Variants in MBD5 observed in about 807,000 individuals in gnomAD.
MBD5 encodes the protein methyl-CpG binding domain protein 5.
In MBD5, 13 loss-of-function variants were observed where a neutral mutation model predicts 117.3. The observed-to-expected ratio is 0.11, with a 90% CI of 0.07 to 0.18. MBD5 has a LOEUF of 0.18. MBD5 is among the 10% of genes least tolerant of loss of function. MBD5 has a pLI of 1.00. For missense variants in MBD5, 1,879 were observed against 2,093.8 expected, an observed-to-expected ratio of 0.90 and a Z score of 2.00; for synonymous variants, 727 against 766.4, an observed-to-expected ratio of 0.95 and a Z score of 0.85.
At chr2:148,071,799 C>T (rs1209787521) in intron 1 of MBD5, 2 of 152,164 alleles carry the variant, frequency 1.3e-5, no homozygotes, top group Admixed American at 6.5e-5. Flanking sequence ...GAGGATGCTA[C>T]GTTGGCTATC....
intron 4 of MBD5, among the ~76,000 whole-genome samples, chr2:148,418,145 T>A (rs912783755): frequency 6.6e-6 from 1 of 152,150 alleles, no homozygotes; most frequent in African/African-American, 2.4e-5. Flanking sequence ...CAGCCTTATT[T>A]ATTATTTTTC....
intron 4 of MBD5, among the ~76,000 whole-genome samples, chr2:148,387,158 A>C (rs1704398191): frequency 6.6e-6 from 1 of 152,206 alleles, no homozygotes; most frequent in African/African-American, 2.4e-5. Flanking sequence ...CAAAATCCTA[A>C]ACATAACATT....
chr2:148,410,683 C>T (rs532108800), intron 4 of MBD5, among the ~76,000 whole-genome samples: 181 of 152,276 alleles, frequency 1.2e-3, no homozygotes, highest in Non-Finnish European at 2.2e-3. Context: ...TCACCTGCCT[C>T]GTCCTCCGAC....
At chr2:148,275,772 T>C (rs1701092735) in intron 3 of MBD5, among the ~76,000 whole-genome samples, 2 of 151,984 alleles carry the variant, frequency 1.3e-5, no homozygotes, top group South Asian at 4.2e-4. Flanking sequence ...GAAATCACTT[T>C]TTTTTTTTGG....
At chr2:148,423,810 C>G (rs771087218) in intron 4 of MBD5, among the ~76,000 whole-genome samples, 18 of 152,072 alleles carry the variant, frequency 1.2e-4, no homozygotes, top group Non-Finnish European at 1.9e-4. Context: ...AGGCCCAGCT[C>G]ATGTTCAAGG....
At chr2:148,257,264 G>A (rs2106276354) in intron 3 of MBD5, among the ~76,000 whole-genome samples, 1 of 152,332 alleles carries the variant, frequency 6.6e-6, no homozygotes, top group African/African-American at 2.4e-5. Context: ...TATGCCTGCT[G>A]AATAGCCCGC....
At chr2:148,326,804 T>G (rs1233740253) in intron 3 of MBD5, among the ~76,000 whole-genome samples, 10 of 151,364 alleles carry the variant, frequency 6.6e-5, no homozygotes, top group East Asian at 3.9e-4. Context: ...TGCCAGTCTG[T>G]GTCTTTTAAT....
chr2:148,204,745 A>G (rs1699233981), intron 2 of MBD5, among the ~76,000 whole-genome samples: 2 of 152,188 alleles, frequency 1.3e-5, no homozygotes, highest in South Asian at 4.1e-4. Flanking sequence ...TACTAAAGAC[A>G]GTTTTGAACT....
At position 148,401,407 on chromosome 2, in the gene MBD5, A is replaced by G. The variant is rs114806741; in HGVS notation, c.-556-56796A>G. Among the ~76,000 whole-genome samples the G allele has an allele frequency of 8.6e-3, 1,305 of 152,080 alleles. 22 individuals are homozygous for G. The highest frequency in any genetic ancestry group is 0.027 in the African/African-American group (1,106 of 41,538). On this transcript the variant is annotated intron_variant, in intron 4 of 13. Transcript: ENST00000642680. ...TCTCTAGTCTTCCAGCATGACTTCT[A>G]TCTTTATAGTTCTTCAAAGATTACC...
chr2:148,144,874 G>A (rs1697411574), intron 1 of MBD5, among the ~76,000 whole-genome samples: 1 of 152,158 alleles, frequency 6.6e-6, no homozygotes, highest in South Asian at 2.1e-4. Context: ...TTTGAAGCCA[G>A]GTAGCATGAT....
At chr2:148,326,220 T>C (rs145339326) in intron 3 of MBD5, among the ~76,000 whole-genome samples, 18,234 of 152,282 alleles carry the variant, frequency 0.12, 1,441 homozygotes, top group Non-Finnish European at 0.18. Flanking sequence ...ATAATTTCTG[T>C]TCTTTTACAT....
Position 148,092,606 on chromosome 2 carries a change from G to A in MBD5, c.-925+70922G>A, listed in dbSNP as rs539932738. ...TGTGTGTTCTCACTTACAAGTGGGA[G>A]CTAAGCTATTAGAATGCAAATGCAT... On this transcript the variant is annotated intron_variant, in intron 1 of 13. Transcript: ENST00000642680. 9.8e-4 allele frequency among the ~76,000 whole-genome samples: 149 copies of A among 152,254 alleles called. 1 individual carries two copies. The highest frequency in any genetic ancestry group is 2.1e-3 in the South Asian group (10 of 4,816).
At chr2:148,177,581 T>C (rs1698421385) in intron 1 of MBD5, among the ~76,000 whole-genome samples, 2 of 152,214 alleles carry the variant, frequency 1.3e-5, no homozygotes, top group Admixed American at 6.5e-5. Context: ...CATCTGTAAA[T>C]AGTATTTTTG....
chr2:148,251,180 T>C (rs1700456164), intron 3 of MBD5, among the ~76,000 whole-genome samples: 1 of 152,170 alleles, frequency 6.6e-6, no homozygotes, highest in Non-Finnish European at 1.5e-5. Context: ...GCAAGAAGTC[T>C]GCCAGAGCAA....
chr2:148,354,617 T>C (rs1490290021), intron 4 of MBD5, among the ~76,000 whole-genome samples: 4 of 152,218 alleles, frequency 2.6e-5, no homozygotes, highest in Non-Finnish European at 4.4e-5. Context: ...TTATAATCCT[T>C]TGGGTGTATA....
chr2:148,279,106 C>A (rs1419751181), intron 3 of MBD5, among the ~76,000 whole-genome samples: 2 of 152,082 alleles, frequency 1.3e-5, no homozygotes, highest in Non-Finnish European at 2.9e-5. Flanking sequence ...AACACCATCA[C>A]AAACACACTG....
In MBD5 at chr2:148,468,662, G is replaced by T. The variant is rs1246288410; in HGVS notation, c.719G>T (p.Arg240Met). 1.2e-6 allele frequency: 2 copies of T among 1,613,828 alleles called. No homozygotes were observed. The highest frequency in any genetic ancestry group is 1.1e-5 in the South Asian group (1 of 91,066). The change falls in exon 8 of 14, where the codon AGG (arginine) becomes ATG (methionine). Residue 240 changes from arginine (R) to methionine (M), a missense_variant. Physicochemically the swap from Arg to Met is moderately conservative, Grantham distance 91. Transcript: ENST00000642680. ...TATGGAGATGGTTCAATCTCTCCAA[G>T]GACTGACCCACTTGGAAGTCCTGAT... ...QIYGDGSISP[R>M]TDPLGSPDVF... is the part of the protein sequence containing the mutation.
chr2:148,268,351 G>A (rs749312500), intron 3 of MBD5, among the ~76,000 whole-genome samples: 3 of 151,740 alleles, frequency 2.0e-5, no homozygotes, highest in Non-Finnish European at 4.4e-5. Context: ...CAAAGTGCTG[G>A]GATTACAGGC....
intron 4 of MBD5, among the ~76,000 whole-genome samples, chr2:148,396,017 T>C (rs192413773): frequency 1.2e-3 from 184 of 152,356 alleles, no homozygotes; most frequent in Non-Finnish European, 2.2e-3. Flanking sequence ...TGTTTTTTTC[T>C]AGCTGTGTTC....
Sources: allele counts gnomAD v4.1 joint callset (sites outside exome capture counted in the v4.1 genomes callset), GRCh38; gene constraint gnomAD v4.1.1; transcripts MANE v1.5; gene names NCBI Gene and HGNC (gene_info 2026-07-23, HGNC 2026-07-21).